SERPINE2: variants seen among roughly 807,000 people sequenced by gnomAD.
The protein encoded by SERPINE2 is glia-derived nexin.
Under a neutral mutation model 36.3 loss-of-function variants are expected in SERPINE2, and 14 were observed. That is an observed-to-expected ratio of 0.39 (90% CI 0.25 to 0.60). The LOEUF (loss-of-function observed/expected upper bound fraction) is 0.60. Ranked by LOEUF, SERPINE2 falls within the 20% of genes least tolerant of loss-of-function variation. The pLI, the probability that SERPINE2 is intolerant of heterozygous loss-of-function variation, is 0.57. For missense variants in SERPINE2, 418 were observed against 499.6 expected (o/e 0.84, Z 1.56); for synonymous variants, 192 against 191.8 (o/e 1.00, Z -0.01).
chr2:223,983,095 G>T (rs763973438), intron 5 of SERPINE2, among the ~76,000 whole-genome samples: 1 of 152,182 alleles, frequency 6.6e-6, no homozygotes, highest in East Asian at 1.9e-4. Flanking sequence ...CTGACGTGGA[G>T]GTTGAGTGTT....
At chr2:224,005,076 TATATATATATATATATATATAA>T (rs1643823592) in intron 1 of SERPINE2, among the ~76,000 whole-genome samples, 6 of 33,664 alleles carry the variant, frequency 1.8e-4, no homozygotes, top group Non-Finnish European at 4.2e-4. Flanking sequence ...TATATATATA[TATATATATATATATATATATAA>T]AACATTGTAA....
chr2:224,035,116 T>TG (rs11431544), intron 1 of SERPINE2, among the ~76,000 whole-genome samples: 94,496 of 151,812 alleles, frequency 0.62, 29,806 homozygotes, highest in South Asian at 0.71. Flanking sequence ...AGCAATAACA[T>TG]GGAAGAGAGT....
At chr2:224,031,595 C>T (rs1559223075) in intron 1 of SERPINE2, 1 of 670,602 alleles carries the variant, frequency 1.5e-6, no homozygotes, top group Non-Finnish European at 1.8e-6. Context: ...CAGGACCTCA[C>T]TCCTCTGCCC....
chr2:223,985,478 T>C (rs772049903), intron 4 of SERPINE2, among the ~76,000 whole-genome samples: 40 of 152,184 alleles, frequency 2.6e-4, no homozygotes, highest in Non-Finnish European at 5.1e-4. Context: ...ATTTACTCAT[T>C]GAGCAGGAAT....
chr2:224,025,962 C>T (rs1436021085), intron 1 of SERPINE2, among the ~76,000 whole-genome samples: 1 of 152,242 alleles, frequency 6.6e-6, no homozygotes, highest in Non-Finnish European at 1.5e-5. Flanking sequence ...AACCGCAGAG[C>T]TGGGCTACAT....
At chr2:224,036,200 G>C (rs78875887) in intron 1 of SERPINE2, among the ~76,000 whole-genome samples, 4,534 of 152,146 alleles carry the variant, frequency 0.03, 180 homozygotes, top group African/African-American at 0.089. Flanking sequence ...ATATTGGTGA[G>C]AGTCGAAGCT....
intron 3 of SERPINE2, among the ~76,000 whole-genome samples, chr2:223,993,235 C>T (rs894306086): frequency 4.6e-5 from 7 of 152,156 alleles, no homozygotes; most frequent in Non-Finnish European, 5.9e-5. Flanking sequence ...GGGAATGGTC[C>T]GTCTTACTTG....
At chr2:224,031,633 T>A (rs540416379) in intron 1 of SERPINE2, among the ~76,000 whole-genome samples, 2 of 152,240 alleles carry the variant, frequency 1.3e-5, no homozygotes, top group South Asian at 2.1e-4. Context: ...GACGAGCATG[T>A]GACCATGTGA....
chr2:224,008,945 G>A (rs967120653), intron 1 of SERPINE2, among the ~76,000 whole-genome samples: 4 of 152,244 alleles, frequency 2.6e-5, no homozygotes, highest in East Asian at 1.9e-4. Flanking sequence ...GACACTGAAC[G>A]GGTTTGCCTC....
At chr2:224,027,784 G>A (rs1692233357) in intron 1 of SERPINE2, among the ~76,000 whole-genome samples, 1 of 152,028 alleles carries the variant, frequency 6.6e-6, no homozygotes. Context: ...CTCAAAGATT[G>A]GCCTGTTTTG....
At chr2:224,011,648 A>C (rs1431676901) in intron 1 of SERPINE2, among the ~76,000 whole-genome samples, 1 of 152,212 alleles carries the variant, frequency 6.6e-6, no homozygotes, top group Non-Finnish European at 1.5e-5. Context: ...AGAAATGTAA[A>C]TTGATTTTTT....
At chr2:224,012,294 T>A (rs1691655537) in intron 1 of SERPINE2, among the ~76,000 whole-genome samples, 1 of 152,098 alleles carries the variant, frequency 6.6e-6, no homozygotes, top group South Asian at 2.1e-4. Context: ...TGTCCAACAA[T>A]AAGGAACAGT....
intron 1 of SERPINE2, among the ~76,000 whole-genome samples, chr2:224,005,320 C>T (rs1221682031): frequency 6.6e-6 from 1 of 151,762 alleles, no homozygotes; most frequent in Non-Finnish European, 1.5e-5. Flanking sequence ...TTTTTGAGAG[C>T]TGTCTATGTA....
chr2:223,996,365 T>C (rs1690888502), intron 3 of SERPINE2, among the ~76,000 whole-genome samples: 1 of 152,148 alleles, frequency 6.6e-6, no homozygotes, highest in African/African-American at 2.4e-5. Flanking sequence ...AACACCCTCA[T>C]GTGTGCTGAC....
chr2:223,992,912 G>C (rs1021969954), intron 3 of SERPINE2, among the ~76,000 whole-genome samples: 15 of 152,228 alleles, frequency 9.9e-5, no homozygotes, highest in African/African-American at 3.6e-4. Context: ...AGAAGTTTGA[G>C]ACCAGCCTGG....
chr2:224,038,610 C>CGTGA, intron 1 of SERPINE2: 1 of 996,850 alleles, frequency 1.0e-6, no homozygotes, highest in Non-Finnish European at 1.6e-6. Context: ...CCACACCGCG[C>CGTGA]GTCACCTCCC....
At position 224,001,748 on chromosome 2, in the gene SERPINE2, G is replaced by C. The variant is rs3795875; in HGVS notation, c.153C>G (p.Ile51Met). 1 of 1,614,124 alleles carries C rather than the reference G, an allele frequency of 6.2e-7. No homozygotes were observed. The highest frequency in any genetic ancestry group is 8.5e-7 in the Non-Finnish European group (1 of 1,180,036). ...ACGCAATCCCATGGGGAGAGATCACGATGTTGTCATGAGGCCTCGACTTCA... is the reference window on the plus strand; with the variant it reads ...ACGCAATCCCATGGGGAGAGATCACCATGTTGTCATGAGGCCTCGACTTCA... Reference protein sequence around the residue: ...QIVKSRPHDNIVISPHGIASV... With the variant: ...QIVKSRPHDNMVISPHGIASV... Residue 51 changes from isoleucine to methionine, a missense_variant, in exon 2 of 9, where the codon ATC (isoleucine) becomes ATG (methionine). By Grantham distance (10) the Ile-to-Met change is conservative. Transcript: ENST00000409304.
chr2:224,006,210 C>A (rs1358085740), intron 1 of SERPINE2, among the ~76,000 whole-genome samples: 1 of 152,198 alleles, frequency 6.6e-6, no homozygotes, highest in Non-Finnish European at 1.5e-5. Flanking sequence ...CAGCTCAAAT[C>A]CTCAAACTCT....
intron 5 of SERPINE2, among the ~76,000 whole-genome samples, chr2:223,984,515 G>C (rs1197066644): frequency 6.6e-6 from 1 of 152,154 alleles, no homozygotes; most frequent in East Asian, 1.9e-4. Context: ...TGGAGGTTTA[G>C]AGACCAAGGT....
Sources: gnomAD v4.1 joint callset for allele counts (sites outside exome capture counted in the v4.1 genomes callset) on GRCh38, gnomAD v4.1.1 for gene constraint, MANE v1.5 for transcripts, NCBI Gene and HGNC (gene_info 2026-07-23, HGNC 2026-07-21) for gene names.